MINAR1: variants seen among roughly 807,000 people sequenced by gnomAD.
MINAR1 encodes major intrinsically disordered Notch2-binding receptor 1.
Under a neutral mutation model 65.1 loss-of-function variants are expected in MINAR1, and 40 were observed. That is an observed-to-expected ratio of 0.61 (90% confidence interval 0.48 to 0.80). The LOEUF is 0.80. MINAR1 is among the 30% of genes least tolerant of loss of function. The pLI, the probability that MINAR1 is intolerant of heterozygous loss-of-function variation, is 0.00. For synonymous variants in MINAR1, 482 were observed against 449.1 expected, an observed-to-expected ratio of 1.07 and a Z score of -0.93; for missense variants, 1,128 against 1,148.0, an observed-to-expected ratio of 0.98 and a Z score of 0.25.
upstream of MINAR1, among the ~76,000 whole-genome samples, chr15:79,431,103 C>A (rs533874730): frequency 1.9e-4 from 29 of 152,120 alleles, no homozygotes; most frequent in East Asian, 5.3e-3. Context: ...GGAAAAGCCG[C>A]CACAGCCCCC....
rs1187570174 is a variant in MINAR1 at position 79,457,265 on chromosome 15, CAG to C, written c.1121_1122del (p.Glu374GlyfsTer4). 1 of 1,614,204 alleles carries C rather than the reference CAG, an allele frequency of 6.2e-7. No homozygotes were observed. The highest frequency in any genetic ancestry group is 8.5e-7 in the Non-Finnish European group (1 of 1,180,038). ...CCAGCCAAAAGCTGGAGCCTAAACACAGAGGAAGTTCCTGACTTTGAACGGTC... is the reference window on the plus strand; with the variant it reads ...CCAGCCAAAAGCTGGAGCCTAAACACAGGAAGTTCCTGACTTTGAACGGTC... On this transcript the variant is annotated frameshift_variant, in exon 2 of 4. Coordinates refer to ENST00000305428, the MANE Select transcript of MINAR1 (RefSeq NM_015206.3). LOFTEE classifies it high-confidence loss of function.
chr15:79,458,935 G>A (rs762049877), intron 2 of MINAR1, among the ~76,000 whole-genome samples: 2 of 152,096 alleles, frequency 1.3e-5, no homozygotes, highest in Non-Finnish European at 2.9e-5. Context: ...TGATGATTAG[G>A]AAGTAAAGAA....
the MINAR1 span, chr15:79,417,624 G>A: frequency 1.3e-5 from 2 of 152,230 alleles, no homozygotes; most frequent in African/African-American, 4.8e-5. Context: ...GCTGTGGTTA[G>A]AAATCATCTG....
At position 79,457,958 on chromosome 15, in the gene MINAR1, G is replaced by C; in HGVS notation, c.1811G>C (p.Gly604Ala). The change falls in exon 2 of 4, where the codon GGC (glycine) becomes GCC (alanine). Residue 604 changes from glycine to alanine, a missense_variant. Gly to Ala is a moderately conservative substitution (Grantham distance 60). Transcript: ENST00000305428. ...GTGTGCAAACTGGTGCTCAGGATTGGCGAAATTGAACGGAAGCTGGAATCC... is the reference window on the plus strand; with the variant it reads ...GTGTGCAAACTGGTGCTCAGGATTGCCGAAATTGAACGGAAGCTGGAATCC... ...TSVCKLVLRI[G>A]EIERKLESLS... 1 of 1,614,092 alleles carries C rather than the reference G, an allele frequency of 6.2e-7. No individual in the cohort carries two copies. The highest frequency in any genetic ancestry group is 8.5e-7 in the Non-Finnish European group (1 of 1,179,988).
At chr15:79,427,625 G>T (rs1272039144), upstream of MINAR1, among the ~76,000 whole-genome samples, 1 of 152,210 alleles carries the variant, frequency 6.6e-6, no homozygotes, top group Non-Finnish European at 1.5e-5. Flanking sequence ...TCTGGGAACA[G>T]ATATTATATC....
intron 1 of MINAR1, among the ~76,000 whole-genome samples, chr15:79,439,557 G>T (rs2141279406): frequency 6.6e-6 from 1 of 151,862 alleles, no homozygotes; most frequent in East Asian, 1.9e-4. Flanking sequence ...TCGGATGTGG[G>T]TTAAGGTAGG....
chr15:79,447,798 A>AT (rs1282225420), intron 1 of MINAR1, among the ~76,000 whole-genome samples: 1 of 152,056 alleles, frequency 6.6e-6, no homozygotes, highest in Admixed American at 6.6e-5. Flanking sequence ...CTAAGGGGTA[A>AT]TTTTTTACTT....
At chr15:79,437,128 T>A (rs531346798) in intron 1 of MINAR1, among the ~76,000 whole-genome samples, 3 of 151,738 alleles carry the variant, frequency 2.0e-5, no homozygotes, top group Admixed American at 1.3e-4. Flanking sequence ...CAAACAAAGA[T>A]CAACCAGTCA....
the MINAR1 span, chr15:79,424,753 A>G: frequency 6.6e-6 from 1 of 152,218 alleles, no homozygotes; most frequent in Non-Finnish European, 1.5e-5. Context: ...GCAAATATTT[A>G]CTGAGCCCCT....
intron 3 of MINAR1, among the ~76,000 whole-genome samples, chr15:79,467,051 T>A (rs1895889442): frequency 6.6e-6 from 1 of 152,210 alleles, no homozygotes; most frequent in Admixed American, 6.5e-5. Context: ...CCATGTACGT[T>A]ATATTCCTAG....
the MINAR1 span, chr15:79,422,408 CGTG>C: frequency 2.0e-4 from 31 of 152,026 alleles, no homozygotes; most frequent in African/African-American, 7.2e-4. Context: ...AAAAATTAGG[CGTG>C]GTGATGGGCA....
chr15:79,422,079 C>T, the MINAR1 span: 1 of 152,286 alleles, frequency 6.6e-6, no homozygotes, highest in Non-Finnish European at 1.5e-5. Flanking sequence ...TGAAACAGCC[C>T]CCATCCCCAG....
At position 79,463,190 on chromosome 15, in the gene MINAR1, A is replaced by G. The variant is rs757916160; in HGVS notation, c.2422A>G (p.Ser808Gly). 3.1e-6 allele frequency: 5 copies of G among 1,614,088 alleles called. No individual in the cohort carries two copies. Among genetic ancestry groups the G allele is most frequent in the Admixed American group, 1.7e-5 (1 of 60,012 alleles). Residue 808 changes from serine to glycine, a missense_variant, in exon 3 of 4, where the codon AGC becomes GGC. By Grantham distance (56) the Ser-to-Gly change is moderately conservative. Transcript: ENST00000305428. Reference sequence around the variant, plus strand: ...TGCCTCCCTCAAGGCCCACATGAAGAGCAACCCCCTGTACACAGACATGCG... The same window carrying G: ...TGCCTCCCTCAAGGCCCACATGAAGGGCAACCCCCTGTACACAGACATGCG... ...YPASLKAHMK[S>G]NPLYTDMRLT...
chr15:79,414,473 G>A, the MINAR1 span: 1 of 152,220 alleles, frequency 6.6e-6, no homozygotes, highest in African/African-American at 2.4e-5. Flanking sequence ...GATATGTGAT[G>A]TAGTCATGGT....
intron 1 of MINAR1, among the ~76,000 whole-genome samples, chr15:79,454,843 C>CA (rs1383570741): frequency 1.8e-4 from 28 of 152,224 alleles, no homozygotes; most frequent in Non-Finnish European, 3.5e-4. Context: ...TCGGTTTCTA[C>CA]ACAGGCATAC....
At chr15:79,429,348 G>A (rs1468307165), upstream of MINAR1, among the ~76,000 whole-genome samples, 1 of 152,164 alleles carries the variant, frequency 6.6e-6, no homozygotes, top group Non-Finnish European at 1.5e-5. Context: ...CCAAAACCAG[G>A]TCAAGTGATT....
In MINAR1 at chr15:79,469,996, G is replaced by T. The variant is rs1375409966; in HGVS notation, c.*1612G>T. On this transcript the variant is annotated 3_prime_UTR_variant, in exon 4 of 4. Coordinates refer to ENST00000305428, the MANE Select transcript of MINAR1 (RefSeq NM_015206.3). ...TTCTGTTGTTCACCATTAAGGGGTA[G>T]ACAGTTAATTTTATTATGTTAACAA... 1 of 152,604 alleles carries T rather than the reference G, an allele frequency of 6.6e-6. No individual in the cohort carries two copies. Among genetic ancestry groups the T allele is most frequent in the Non-Finnish European group, 1.5e-5 (1 of 68,034 alleles). The allele number at this position is 152,604 out of a possible 1,614,324, so 9.5% of individuals were successfully genotyped here. A position where few individuals can be genotyped will look rare whatever the true frequency, so the allele number is the denominator to read the frequency against.
chr15:79,433,710 C>T (rs1405825716), intron 1 of MINAR1, among the ~76,000 whole-genome samples: 1 of 152,202 alleles, frequency 6.6e-6, no homozygotes, highest in Non-Finnish European at 1.5e-5. Flanking sequence ...GCTGCCACTG[C>T]TACCTCTCTC....
At chr15:79,440,193 G>A (rs35156653) in intron 1 of MINAR1, among the ~76,000 whole-genome samples, 36,532 of 151,944 alleles carry the variant, frequency 0.24, 5,608 homozygotes, top group African/African-American at 0.44. Flanking sequence ...GAATCTCTGG[G>A]GTGAGGCCAG....
Sources: gnomAD v4.1 joint callset for allele counts (sites outside exome capture counted in the v4.1 genomes callset) on GRCh38, gnomAD v4.1.1 for gene constraint, MANE v1.5 for transcripts, NCBI Gene and HGNC (gene_info 2026-07-23, HGNC 2026-07-21) for gene names.